Variants in TTN observed in about 807,000 individuals in gnomAD.
TTN encodes the protein titin, also known as connectin.
TTN carries 1,525 observed loss-of-function variants against 3,223.0 expected under a neutral mutation model. That is an observed-to-expected ratio of 0.47 (90% CI 0.45 to 0.49). The LOEUF is 0.49. Among genes scored for constraint, TTN ranks in the 20% least tolerant of loss-of-function variants. The probability of loss-of-function intolerance (pLI) is 0.00; values close to 1 mark genes in which losing one functional copy is unlikely to be tolerated. For missense variants in TTN, 40,786 were observed against 43,424.0 expected (o/e 0.94, Z 5.40); for synonymous variants, 14,094 against 15,161.0 (o/e 0.93, Z 5.17).
At chr2:178,649,704 A>AC in intron 211 of TTN, 73 bp from the exon 212 acceptor site, 1 of 1,536,240 alleles carries the variant, frequency 6.5e-7, no homozygotes, top group Non-Finnish European at 8.9e-7. Flanking sequence ...TTTATTCAAC[A>AC]CTGTAACATA....
chr2:178,797,748 A>G (rs2154357578), intron 6 of TTN, among the ~76,000 whole-genome samples: 1 of 152,268 alleles, frequency 6.6e-6, no homozygotes, highest in South Asian at 2.1e-4. Context: ...TTTTTTCACA[A>G]GTGCTGTTTG....
chr2:178,534,046 C>T lies in TTN; in HGVS notation c.102569G>A (p.Gly34190Glu), dbSNP rs1690354224. The change falls in exon 358 of 363, where the codon GGA (glycine) becomes GAA (glutamate). Residue 34190 changes from glycine (G) to glutamate (E), a missense_variant. Coordinates refer to ENST00000589042, the MANE Select transcript of TTN (RefSeq NM_001267550.2). Reference protein sequence around the residue: ...SEKYEITYEDGVAILYVKDIT... With the variant: ...SEKYEITYEDEVAILYVKDIT... ...GTCTTTGACATAGAGGATGGCCACT[C>T]CATCTTCGTAGGTGATTTCGTATTT... is the stretch of plus-strand genomic sequence containing the variant. 3 of 1,613,864 alleles carry T rather than the reference C, an allele frequency of 1.9e-6. No individual in the cohort carries two copies. Among genetic ancestry groups the T allele is most frequent in the Admixed American group, 3.3e-5 (2 of 59,994 alleles).
At chr2:178,787,342 T>G (rs964490839) in intron 13 of TTN, among the ~76,000 whole-genome samples, 6 of 152,164 alleles carry the variant, frequency 3.9e-5, no homozygotes, top group Non-Finnish European at 7.4e-5. Flanking sequence ...AATACCATCT[T>G]CACTTTAGAT....
intron 13 of TTN, among the ~76,000 whole-genome samples, chr2:178,786,553 G>C (rs1043262855): frequency 6.6e-6 from 1 of 152,132 alleles, no homozygotes; most frequent in Non-Finnish European, 1.5e-5. Context: ...TATTAATGCA[G>C]TGACAGTGAT....
Position 178,692,589 on chromosome 2 carries a change from G to C in TTN, c.31595-9C>G, listed in dbSNP as rs781314591. 19 of 1,514,934 alleles carry C rather than the reference G, an allele frequency of 1.3e-5. No homozygotes were observed. In the East Asian group the frequency reaches 4.0e-4, roughly 32 times the overall value. The allele number at this position is 1,514,934 out of a possible 1,614,324, so 93.8% of individuals were successfully genotyped here. A position where few individuals can be genotyped will look rare whatever the true frequency, so the allele number is the denominator to read the frequency against. ...CTCAGGTAGCTCAGGGACTTTAAAAGAAAAGTGCCATTTTTGAGAAAGTGT... is the reference window on the plus strand; with the variant it reads ...CTCAGGTAGCTCAGGGACTTTAAAACAAAAGTGCCATTTTTGAGAAAGTGT... On this transcript the variant is annotated splice_polypyrimidine_tract_variant and intron_variant, in intron 119 of 362. Coordinates refer to ENST00000589042, the MANE Select transcript of TTN (RefSeq NM_001267550.2).
intron 48 of TTN, 115 bp downstream of exon 48, chr2:178,739,026 C>G (rs1347166342): frequency 7.7e-7 from 1 of 1,299,536 alleles, no homozygotes; most frequent in African/African-American, 1.5e-5. Flanking sequence ...CATTCTTACT[C>G]TAAATAAATT....
In TTN at chr2:178,536,584, C is replaced by A. The variant is rs759773424; in HGVS notation, c.100172-9G>T. ...AGGAGCACCTGGCTTTTCTATTAAA[C>A]AAAAAAAAGATTTGAGTCATGAGAT... On this transcript the variant is annotated splice_polypyrimidine_tract_variant and intron_variant, in intron 356 of 362. Coordinates refer to ENST00000589042, the MANE Select transcript of TTN (RefSeq NM_001267550.2). The A allele has an allele frequency of 1.0e-5, 15 of 1,480,080 alleles. No homozygotes were observed. Among genetic ancestry groups the A allele is most frequent in the South Asian group, 1.5e-5 (1 of 67,234 alleles). 91.7% of individuals were successfully genotyped at this position (1,480,080 alleles called of 1,614,324 possible).
At position 178,557,790 on chromosome 2, in the gene TTN, C is replaced by A. The variant is rs372811426; in HGVS notation, c.87564G>T (p.Val29188=). 6.2e-7 allele frequency: 1 copy of A among 1,613,914 alleles called. No homozygotes were observed. Among genetic ancestry groups the A allele is most frequent in the African/African-American group, 1.3e-5 (1 of 75,054 alleles). The change falls in exon 328 of 363, where the codon GTG becomes GTT. Residue 29188 remains valine, a synonymous_variant. Transcript: ENST00000589042. ...RETSTAVWTE[V]SATVARTMMK... Reference sequence around the variant, plus strand: ...TCATGGTTCTTGCAACTGTTGCAGACACTTCAGTCCACACTGCAGTACTTG... The same window carrying A: ...TCATGGTTCTTGCAACTGTTGCAGAAACTTCAGTCCACACTGCAGTACTTG...
Position 178,705,289 on chromosome 2 carries a change from A to C in TTN, c.29489T>G (p.Val9830Gly). ...ATATTTTTCATATTCTTTAGGATCA[A>C]CATTTTTGAGAAGTTCCATGATATC... ...EIDIMELLKN[V>G]DPKEYEKYAR... The change falls in exon 103 of 363, where the codon GTT becomes GGT. Residue 9830 changes from valine (V) to glycine (G), a missense_variant. Physicochemically the swap from Val to Gly is moderately radical, Grantham distance 109. Coordinates refer to ENST00000589042, the MANE Select transcript of TTN (RefSeq NM_001267550.2). 6.2e-7 allele frequency: 1 copy of C among 1,613,142 alleles called. No individual in the cohort carries two copies. The highest frequency in any genetic ancestry group is 8.5e-7 in the Non-Finnish European group (1 of 1,179,568).
At position 178,573,306 on chromosome 2, in the gene TTN, T is replaced by G; in HGVS notation, c.72826A>C (p.Thr24276Pro). The G allele has an allele frequency of 6.3e-7, 1 of 1,577,160 alleles. No homozygotes were observed. Among genetic ancestry groups the G allele is most frequent in the Non-Finnish European group, 8.6e-7 (1 of 1,161,574 alleles). The change falls in exon 326 of 363, where the codon ACT becomes CCT. Residue 24276 changes from threonine (T) to proline (P), a missense_variant. Physicochemically the swap from Thr to Pro is conservative, Grantham distance 38 (BLOSUM62 -1). Coordinates refer to ENST00000589042, the MANE Select transcript of TTN (RefSeq NM_001267550.2). ...GQRWIKCNKKTLTDLRYKVSG... is the reference protein window; with the variant it reads ...GQRWIKCNKKPLTDLRYKVSG... ...ACTTTATATCTTAAATCAGTAAGAG[T>G]TTTTTTGTTGCATTTAATCCAGCGT...
intron 239 of TTN, 150 bp downstream of exon 239, chr2:178,630,091 T>C (rs1013868107): frequency 5.3e-6 from 6 of 1,136,564 alleles, no homozygotes; most frequent in Non-Finnish European, 7.4e-6. Context: ...CACTTCTGTA[T>C]TGGAATGTCA....
Position 178,793,408 on chromosome 2 carries a change from T to C in TTN, c.1532A>G (p.Glu511Gly). ...AAAATACAAACCCATTTTCACCTGCTCATGAGTTACGTGCATCTGCTCTTG... is the reference window on the plus strand; with the variant it reads ...AAAATACAAACCCATTTTCACCTGCCCATGAGTTACGTGCATCTGCTCTTG... The part of the protein sequence containing the change: ...TKQEQMHVTH[E>G]QIRKETEKTF... The change falls in exon 9 of 363, where the codon GAG becomes GGG. Residue 511 changes from glutamate to glycine, a missense_variant. Coordinates refer to ENST00000589042, the MANE Select transcript of TTN (RefSeq NM_001267550.2). 1 of 1,614,198 alleles carries C rather than the reference T, an allele frequency of 6.2e-7. No homozygotes were observed. The highest frequency in any genetic ancestry group is 8.5e-7 in the Non-Finnish European group (1 of 1,180,006).
Position 178,707,008 on chromosome 2 carries a change from A to C in TTN, c.29042-54T>G. On this transcript the variant is annotated intron_variant, in intron 100 of 362. Coordinates refer to ENST00000589042, the MANE Select transcript of TTN (RefSeq NM_001267550.2). ...TACAATCACCTCAGAATTACAATACATATCCCCCTTTGTAAAATAAGCCTT... is the reference window on the plus strand; with the variant it reads ...TACAATCACCTCAGAATTACAATACCTATCCCCCTTTGTAAAATAAGCCTT... The C allele has an allele frequency of 3.4e-6, 5 of 1,460,070 alleles. No individual in the cohort carries two copies. In the East Asian group the frequency reaches 7.2e-5, roughly 21 times the overall value. 90.4% of individuals were successfully genotyped at this position (1,460,070 alleles called of 1,614,324 possible).
In TTN at chr2:178,584,907, G is replaced by A. The variant is rs773855604; in HGVS notation, c.64734C>T (p.Ser21578=). The A allele has an allele frequency of 5.3e-5, 85 of 1,613,194 alleles. No homozygotes were observed. Among genetic ancestry groups the A allele is most frequent in the Non-Finnish European group, 6.0e-5 (71 of 1,179,544 alleles). The change falls in exon 310 of 363, where the codon TCC becomes TCT. Residue 21578 remains serine, a synonymous_variant. Transcript: ENST00000589042. ...CCTCCAGAGGGATGTGCCATGACAG[G>A]GAGCAAGCATCAGCGTCTATATCAG... The part of the protein sequence containing the change: ...DISDIDADAC[S]LSWHIPLEDG...
At position 178,567,671 on chromosome 2, in the gene TTN, G is replaced by A. The variant is rs745461908; in HGVS notation, c.78461C>T (p.Thr26154Ile). 4 of 1,612,318 alleles carry A rather than the reference G, an allele frequency of 2.5e-6. No homozygotes were observed. The Admixed American group carries it at 5.0e-5, about 20-fold the overall frequency. ...TCTGAATTCATATCTTTGATCTTCA[G>A]TAAGACCTGACACAGTAAATTGAGT... Reference protein sequence around the residue: ...IETQFTVSGLTEDQRYEFRVI... With the variant: ...IETQFTVSGLIEDQRYEFRVI... The change falls in exon 326 of 363, where the codon ACT (threonine) becomes ATT (isoleucine). Residue 26154 changes from threonine to isoleucine, a missense_variant. Thr to Ile is a moderately conservative substitution (Grantham distance 89). Coordinates refer to ENST00000589042, the MANE Select transcript of TTN (RefSeq NM_001267550.2).
Position 178,605,117 on chromosome 2 carries a change from C to T in TTN, c.54060G>A (p.Glu18020=). The T allele has an allele frequency of 6.2e-7, 1 of 1,612,754 alleles. No homozygotes were observed. The highest frequency in any genetic ancestry group is 8.5e-7 in the Non-Finnish European group (1 of 1,179,210). The change falls in exon 280 of 363, where the codon GAG becomes GAA. Residue 18020 remains glutamate (E), a synonymous_variant. Transcript: ENST00000589042. Reference sequence around the variant, plus strand: ...CAGTTTTTGCCTCACTTCGGGATACCTCTTCCTTGGTTATCTGAAGTGCAT... The same window carrying T: ...CAGTTTTTGCCTCACTTCGGGATACTTCTTCCTTGGTTATCTGAAGTGCAT... ...PTDALQITKE[E]VSRSEAKTEL... is the part of the protein sequence containing the mutation.
At position 178,582,296 on chromosome 2, in the gene TTN, C is replaced by T. The variant is rs1057523177; in HGVS notation, c.66160G>A (p.Asp22054Asn). 1 of 1,584,564 alleles carries T rather than the reference C, an allele frequency of 6.3e-7. No homozygotes were observed. The highest frequency in any genetic ancestry group is 1.4e-5 in the African/African-American group (1 of 72,896). Reference sequence around the variant, plus strand: ...AAAAACCACCGGGAAATGTTCCTACCATATGGGTTTTTGGCAATTGCTGGT... The same window carrying T: ...AAAAACCACCGGGAAATGTTCCTACTATATGGGTTTTTGGCAATTGCTGGT... The part of the protein sequence containing the change: ...TEPAIAKNPY[D>N]PPGRCDPPVI... Residue 22054 changes from aspartate to asparagine, a missense_variant and splice_region_variant, in exon 314 of 363, where the codon GAC becomes AAC. Asp to Asn is a conservative substitution (Grantham distance 23). Transcript: ENST00000589042.
In TTN at chr2:178,695,938, G is replaced by T. The variant is rs892684142; in HGVS notation, c.31134C>A (p.Asp10378Glu). The T allele has an allele frequency of 4.0e-6, 6 of 1,509,952 alleles. No individual in the cohort carries two copies. Among genetic ancestry groups the T allele is most frequent in the Non-Finnish European group, 5.3e-6 (6 of 1,129,656 alleles). The allele number at this position is 1,509,952 out of a possible 1,614,324, so 93.5% of individuals were successfully genotyped here. Reference protein sequence around the residue: ...QEYYEREEGYDEGEEEWEEAY... With the variant: ...QEYYEREEGYEEGEEEWEEAY... ...CCTCTTCCCACTCTTCCTCCCCTTC[G>T]TCATAGCCTTCTTCCCTTTCATAGT... The change falls in exon 114 of 363, where the codon GAC (aspartate) becomes GAA (glutamate). Residue 10378 changes from aspartate to glutamate, a missense_variant. Transcript: ENST00000589042.
Position 178,770,443 on chromosome 2 carries a change from C to A in TTN, c.8349G>T (p.Arg2783Ser), listed in dbSNP as rs374375627. The A allele has an allele frequency of 3.1e-6, 5 of 1,614,144 alleles. No individual in the cohort carries two copies. The highest frequency in any genetic ancestry group is 2.2e-5 in the East Asian group (1 of 44,864). Residue 2783 changes from arginine to serine, a missense_variant, in exon 35 of 363, where the codon AGG (arginine) becomes AGT (serine). Arg to Ser is a moderately radical substitution (Grantham distance 110). Transcript: ENST00000589042. The stretch of plus-strand genomic sequence containing the variant: ...CGTGCAGTCTGGCACTGGCTCCAAG[C>A]CTTCCAAGCCTGAAGCCATAAACAG... The part of the protein sequence containing the change: ...DESVYGFRLG[R>S]LGASARLHVE...
Sources: allele counts gnomAD v4.1 joint callset (sites outside exome capture counted in the v4.1 genomes callset), GRCh38; gene constraint gnomAD v4.1.1; transcripts MANE v1.5; gene names NCBI Gene and HGNC (gene_info 2026-07-23, HGNC 2026-07-21).